The following ADAM19 variants were observed in gnomAD, a reference collection of about 807,000 sequenced individuals.
The protein encoded by ADAM19 is ADAM metallopeptidase domain 19, also known as disintegrin and metalloproteinase domain-containing protein 19.
ADAM19 carries 65 observed loss-of-function variants against 114.7 expected under a neutral mutation model. The observed-to-expected ratio is 0.57, with a 90% CI of 0.46 to 0.70. The LOEUF is 0.70. Ranked by LOEUF, ADAM19 falls within the 30% of genes least tolerant of loss-of-function variation. The pLI, the probability that ADAM19 is intolerant of heterozygous loss-of-function variation, is 0.00. For missense variants in ADAM19, 1,063 were observed against 1,204.7 expected, an observed-to-expected ratio of 0.88 and a Z score of 1.74; for synonymous variants, 466 against 460.5, an observed-to-expected ratio of 1.01 and a Z score of -0.15.
chr5:157,545,594 C>T (rs955340864), intron 3 of ADAM19, among the ~76,000 whole-genome samples: 13 of 152,054 alleles, frequency 8.5e-5, no homozygotes, highest in South Asian at 6.2e-4. Context: ...CAGAGTCTAC[C>T]GCAATGAAAC....
chr5:157,490,282 C>T lies in ADAM19; in HGVS notation c.2240+28G>A, dbSNP rs761031834. On this transcript the variant is annotated intron_variant, in intron 19 of 22. Coordinates refer to ENST00000257527, the MANE Select transcript of ADAM19 (RefSeq NM_033274.5). ...GACCTTTGTGACCCATAAATTGACC[C>T]TGAGTCCTCCATTGAACCCTGTCAT... 2.2e-4 allele frequency: 354 copies of T among 1,612,686 alleles called. No individual in the cohort carries two copies. Among genetic ancestry groups the T allele is most frequent in the Non-Finnish European group, 2.5e-4 (299 of 1,178,962 alleles).
At position 157,477,672 on chromosome 5, in the gene ADAM19, G is replaced by A; in HGVS notation, c.*3277C>T. On this transcript the variant is annotated 3_prime_UTR_variant, in exon 23 of 23. Transcript: ENST00000257527. ...GTCCAGCAGAGCTGTTATACACGTG[G>A]TTAACACAATTACTGACTTTGGAAC... is the stretch of plus-strand genomic sequence containing the variant. 7.8e-7 allele frequency: 1 copy of A among 1,289,764 alleles called. No individual in the cohort carries two copies. The highest frequency in any genetic ancestry group is 1.5e-5 in the African/African-American group (1 of 65,966). The allele number at this position is 1,289,764 out of a possible 1,614,324, so 79.9% of individuals were successfully genotyped here.
rs138724050 is a variant in ADAM19, at chr5:157,505,836, G to C, written c.991-28C>G. The C allele has an allele frequency of 8.8e-5, 142 of 1,608,556 alleles. No individual in the cohort carries two copies. The African/African-American group carries it at 1.8e-3, about 20-fold the overall frequency. On this transcript the variant is annotated intron_variant, in intron 10 of 22. Transcript: ENST00000257527. The stretch of plus-strand genomic sequence containing the variant: ...GCTCAGAAGACAGAGTTGAGGTCAA[G>C]GTCAAGGGGACAGATCTGCCTCTGC...
At chr5:157,536,332 A>G (rs1027948853) in intron 4 of ADAM19, among the ~76,000 whole-genome samples, 1 of 152,120 alleles carries the variant, frequency 6.6e-6, no homozygotes, top group African/African-American at 2.4e-5. Context: ...CATCTCTACT[A>G]AAAATACAAA....
rs1204543096 is a variant in ADAM19, at chr5:157,513,581, T to C, written c.667-76A>G. 3.7e-6 allele frequency: 5 copies of C among 1,337,308 alleles called. No individual in the cohort carries two copies. In the African/African-American group the frequency reaches 7.3e-5, roughly 19 times the overall value. 82.8% of individuals were successfully genotyped at this position (1,337,308 alleles called of 1,614,324 possible). ...GCTTCCTGCGCCCCATTACTTGTCT[T>C]TGAATTTGCTCTTATTTTCTTCTGT... is the stretch of plus-strand genomic sequence containing the variant. On this transcript the variant is annotated intron_variant, in intron 7 of 22. Coordinates refer to ENST00000257527, the MANE Select transcript of ADAM19 (RefSeq NM_033274.5).
intron 1 of ADAM19, among the ~76,000 whole-genome samples, chr5:157,574,605 C>G (rs1208459269): frequency 6.6e-6 from 1 of 152,216 alleles, no homozygotes; most frequent in Non-Finnish European, 1.5e-5. Flanking sequence ...GTCCCCCAAG[C>G]AGCAGTCTGG....
chr5:157,514,989 C>G lies in ADAM19; in HGVS notation c.667-1484G>C, dbSNP rs544348775. ...ATGAGAATATCTAAGCAAGAAAGAA[C>G]AAGAACAGCCAAGTAAAACAACCTG... On this transcript the variant is annotated intron_variant, in intron 7 of 22. Coordinates refer to ENST00000257527, the MANE Select transcript of ADAM19 (RefSeq NM_033274.5). Among the ~76,000 whole-genome samples the G allele has an allele frequency of 3.5e-4, 54 of 152,296 alleles. 1 individual carries two copies. Among genetic ancestry groups the G allele is most frequent in the African/African-American group, 1.3e-3 (52 of 41,566 alleles).
At chr5:157,567,432 G>A (rs773136706) in intron 2 of ADAM19, among the ~76,000 whole-genome samples, 8 of 152,190 alleles carry the variant, frequency 5.3e-5, no homozygotes, top group Non-Finnish European at 1.0e-4. Flanking sequence ...GCCACTTTAT[G>A]GAGTTTTTGA....
chr5:157,494,161 C>T (rs537307917), intron 15 of ADAM19, among the ~76,000 whole-genome samples: 1,497 of 135,680 alleles, frequency 0.011, 32 homozygotes, highest in African/African-American at 0.036. Flanking sequence ...GATAGATGGA[C>T]GGACAGATGG....
intron 3 of ADAM19, among the ~76,000 whole-genome samples, chr5:157,560,359 G>A (rs2113789570): frequency 6.7e-6 from 1 of 150,274 alleles, no homozygotes; most frequent in East Asian, 2.0e-4. Flanking sequence ...AGATGAGAAA[G>A]CAGAGGCTCA....
At chr5:157,495,292 C>T (rs1440605735) in intron 14 of ADAM19, among the ~76,000 whole-genome samples, 1 of 152,060 alleles carries the variant, frequency 6.6e-6, no homozygotes, top group Non-Finnish European at 1.5e-5. Flanking sequence ...TGAGCCACCA[C>T]ACCTGGCCTG....
At chr5:157,501,748 T>C (rs1755568775) in intron 12 of ADAM19, among the ~76,000 whole-genome samples, 2 of 151,996 alleles carry the variant, frequency 1.3e-5, no homozygotes, top group South Asian at 4.2e-4. Flanking sequence ...AAAAGAAAAA[T>C]CACATCACAG....
At chr5:157,514,967 A>G (rs146658791) in intron 7 of ADAM19, among the ~76,000 whole-genome samples, 152 of 152,378 alleles carry the variant, frequency 1.0e-3, no homozygotes, top group African/African-American at 3.4e-3. Context: ...CCATCCCATG[A>G]GAATATCTAA....
In ADAM19 at chr5:157,480,432, G is replaced by A; in HGVS notation, c.*517C>T. The stretch of plus-strand genomic sequence containing the variant: ...GTTCCCTCAACCAAGCCCTGGGCAG[G>A]GCCACAGCAGTGGCTGGCTTGACCC... On this transcript the variant is annotated 3_prime_UTR_variant, in exon 23 of 23. Transcript: ENST00000257527. 2.0e-6 allele frequency: 2 copies of A among 990,164 alleles called. No individual in the cohort carries two copies. Among genetic ancestry groups the A allele is most frequent in the East Asian group, 1.1e-4 (1 of 8,906 alleles). 61.3% of individuals were successfully genotyped at this position (990,164 alleles called of 1,614,324 possible).
intron 17 of ADAM19, 41 bp from the exon 18 acceptor site, chr5:157,491,764 G>T: frequency 1.2e-6 from 2 of 1,611,390 alleles, no homozygotes; most frequent in Non-Finnish European, 8.5e-7. Flanking sequence ...ACCCCAGAGA[G>T]CATCAGCCAC....
chr5:157,546,279 A>G (rs1445673526), intron 3 of ADAM19, among the ~76,000 whole-genome samples: 2 of 152,206 alleles, frequency 1.3e-5, no homozygotes, highest in Non-Finnish European at 2.9e-5. Context: ...AGCTGTCTAC[A>G]CAGTTATGGA....
chr5:157,525,408 A>G (rs1473050540), intron 5 of ADAM19, among the ~76,000 whole-genome samples: 1 of 152,186 alleles, frequency 6.6e-6, no homozygotes, highest in Non-Finnish European at 1.5e-5. Context: ...CACAGAAGGA[A>G]GCTTTTAATG....
chr5:157,524,774 G>C (rs1756406224), intron 5 of ADAM19, among the ~76,000 whole-genome samples: 1 of 152,218 alleles, frequency 6.6e-6, no homozygotes, highest in Non-Finnish European at 1.5e-5. Context: ...TGTGGTAAGT[G>C]ATGTAATAAC....
chr5:157,506,267 T>C (rs17600807), intron 10 of ADAM19, among the ~76,000 whole-genome samples: 11,991 of 152,216 alleles, frequency 0.079, 597 homozygotes, highest in South Asian at 0.17. Context: ...TACTGTCTGA[T>C]GATGCAAAAG....
Sources: gnomAD v4.1 joint callset for allele counts (sites outside exome capture counted in the v4.1 genomes callset) on GRCh38, gnomAD v4.1.1 for gene constraint, MANE v1.5 for transcripts, NCBI Gene and HGNC (gene_info 2026-07-23, HGNC 2026-07-21) for gene names.